KANSL2: variants seen among roughly 807,000 people sequenced by gnomAD.
KANSL2 encodes NSL complex protein NSL2.
Under a neutral mutation model 55.6 loss-of-function variants are expected in KANSL2, and 34 were observed. That is an observed-to-expected ratio of 0.61 (90% confidence interval 0.46 to 0.81). KANSL2 has a LOEUF of 0.81. Ranked by LOEUF, KANSL2 falls within the 40% of genes least tolerant of loss-of-function variation. The probability of loss-of-function intolerance (pLI) is 0.00; values close to 1 mark genes in which losing one functional copy is unlikely to be tolerated. For synonymous variants in KANSL2, 209 were observed against 214.3 expected (o/e 0.98, Z 0.22); for missense variants, 502 against 609.9 (o/e 0.82, Z 1.86).
chr12:48,659,398 A>T (rs1452793568), intron 8 of KANSL2, among the ~76,000 whole-genome samples: 1 of 152,132 alleles, frequency 6.6e-6, no homozygotes, highest in African/African-American at 2.4e-5. Flanking sequence ...CCAAGGTAAG[A>T]GGATCACTTG....
intron 5 of KANSL2, among the ~76,000 whole-genome samples, chr12:48,670,046 C>A (rs1455599098): frequency 6.6e-6 from 1 of 151,748 alleles, no homozygotes; most frequent in East Asian, 2.0e-4. Flanking sequence ...ACTAAAAATA[C>A]AAAAATTAGC....
intron 4 of KANSL2, among the ~76,000 whole-genome samples, chr12:48,676,287 G>A (rs1188536808): frequency 6.6e-6 from 1 of 152,054 alleles, no homozygotes; most frequent in African/African-American, 2.4e-5. Flanking sequence ...TAAATCTTTC[G>A]TAGAGACGGT....
intron 7 of KANSL2, among the ~76,000 whole-genome samples, chr12:48,663,367 A>T (rs554037320): frequency 3.3e-5 from 5 of 152,314 alleles, no homozygotes; most frequent in East Asian, 1.9e-4. Context: ...TCACTGACTC[A>T]TTTTTGAAAA....
chr12:48,658,826 TGAGA>T (rs917790568), intron 8 of KANSL2, among the ~76,000 whole-genome samples: 14 of 152,280 alleles, frequency 9.2e-5, no homozygotes, highest in African/African-American at 3.4e-4. Context: ...CAATAGAGAA[TGAGA>T]GAGAAGGAAC....
chr12:48,655,779 G>C (rs1048622427), intron 8 of KANSL2, among the ~76,000 whole-genome samples: 2 of 151,900 alleles, frequency 1.3e-5, no homozygotes, highest in Admixed American at 1.3e-4. Flanking sequence ...ACTTAAAAAC[G>C]GCCAGGTGCA....
In KANSL2 at chr12:48,656,561, C is replaced by T. The variant is rs1391960525; in HGVS notation, c.1228-1501G>A. Reference sequence around the variant, plus strand: ...TGCTGGGATTACAGGCATGAGCCACCACGCCCGGCCAACTCCCTGGTTCTT... The same window carrying T: ...TGCTGGGATTACAGGCATGAGCCACTACGCCCGGCCAACTCCCTGGTTCTT... On this transcript the variant is annotated intron_variant, in intron 8 of 9. Transcript: ENST00000420613. 4 of 359,338 alleles carry T rather than the reference C, an allele frequency of 1.1e-5. No individual in the cohort carries two copies. In the East Asian group the frequency reaches 3.1e-4, roughly 28 times the overall value. The allele number at this position is 359,338 out of a possible 1,614,324, so 22.3% of individuals were successfully genotyped here. A position where few individuals can be genotyped will look rare whatever the true frequency, so the allele number is the denominator to read the frequency against.
intron 4 of KANSL2, among the ~76,000 whole-genome samples, chr12:48,675,982 C>G (rs1289659688): frequency 6.6e-6 from 1 of 151,828 alleles, no homozygotes; most frequent in African/African-American, 2.4e-5. Flanking sequence ...AACCTTCAGC[C>G]AAACAAGTTA....
At chr12:48,667,407 C>A (rs921109450) in intron 7 of KANSL2, 7 of 420,406 alleles carry the variant, frequency 1.7e-5, no homozygotes, top group Non-Finnish European at 4.6e-6. Context: ...TTTTGGGACC[C>A]AAGTATTAAG....
intron 4 of KANSL2, among the ~76,000 whole-genome samples, chr12:48,672,703 C>T (rs749351254): frequency 5.3e-5 from 8 of 151,732 alleles, no homozygotes; most frequent in South Asian, 4.2e-4. Flanking sequence ...TGGAATTAAA[C>T]GCATAAGCTA....
intron 8 of KANSL2, among the ~76,000 whole-genome samples, chr12:48,657,433 A>G (rs1225734381): frequency 1.3e-5 from 2 of 152,152 alleles, no homozygotes; most frequent in Non-Finnish European, 2.9e-5. Context: ...TCAAAAAAAA[A>G]TAATAAAATA....
rs1939632746 is a variant in KANSL2, at chr12:48,667,875, T to A, written c.877-86A>T. 7.3e-6 allele frequency: 7 copies of A among 953,458 alleles called. No homozygotes were observed. In the South Asian group the frequency reaches 8.6e-5, roughly 12 times the overall value. 59.1% of individuals were successfully genotyped at this position (953,458 alleles called of 1,614,324 possible). A position where few individuals can be genotyped will look rare whatever the true frequency, so the allele number is the denominator to read the frequency against. ...AAAATAGTTATATAAGAAAAGCACA[T>A]CCTAAAGGCTAGAAATTCAACATTT... On this transcript the variant is annotated intron_variant, in intron 6 of 9. Transcript: ENST00000420613.
intron 7 of KANSL2, among the ~76,000 whole-genome samples, chr12:48,665,482 G>A (rs1939579416): frequency 1.3e-5 from 2 of 152,178 alleles, no homozygotes. Context: ...AGAATCGCTT[G>A]TACCCAGGGG....
intron 7 of KANSL2, among the ~76,000 whole-genome samples, chr12:48,664,631 G>T (rs1939557024): frequency 7.1e-6 from 1 of 141,484 alleles, no homozygotes; most frequent in Non-Finnish European, 1.5e-5. Context: ...GCCCAGGCTG[G>T]AGTGCAGTGG....
chr12:48,663,939 A>T lies in KANSL2; in HGVS notation c.974-3320T>A, dbSNP rs571940121. 2.8e-3 allele frequency among the ~76,000 whole-genome samples: 348 copies of T among 122,332 alleles called. 2 individuals carry two copies. Among genetic ancestry groups the T allele is most frequent in the African/African-American group, 0.011 (327 of 31,024 alleles). 80.3% of individuals were successfully genotyped at this position (122,332 alleles called of 152,430 possible). A position where few individuals can be genotyped will look rare whatever the true frequency, so the allele number is the denominator to read the frequency against. On this transcript the variant is annotated intron_variant, in intron 7 of 9. Coordinates refer to ENST00000420613, the MANE Select transcript of KANSL2 (RefSeq NM_017822.4). ...TTTTTTTTTTTTTTTTTTTTTTGAG[A>T]CAGAGTCTCACTCTGTCGCCCAGGC...
rs1252272749 is a variant in KANSL2, at chr12:48,681,516, A to G, written c.117T>C (p.Arg39=). The change falls in exon 2 of 10, where the codon CGT becomes CGC. Residue 39 remains arginine, a synonymous_variant. Coordinates refer to ENST00000420613, the MANE Select transcript of KANSL2 (RefSeq NM_017822.4). ...AFTHRPCSHP[R]LEGQEFCIKH... ...TAATGCAAAACTCCTGCCCCTCCAG[A>G]CGAGGGTGAGAGCATGGACGATGAG... 1 of 1,613,938 alleles carries G rather than the reference A, an allele frequency of 6.2e-7. No individual in the cohort carries two copies. Among genetic ancestry groups the G allele is most frequent in the East Asian group, 2.2e-5 (1 of 44,888 alleles).
intron 5 of KANSL2, among the ~76,000 whole-genome samples, chr12:48,670,548 T>C (rs1479890350): frequency 2.6e-5 from 4 of 152,204 alleles, no homozygotes; most frequent in Admixed American, 2.0e-4. Flanking sequence ...TAAAAGGATT[T>C]TTTTTTAATT....
chr12:48,681,832 A>G (rs763275425), intron 1 of KANSL2, 191 bp from the exon 2 acceptor site: 1 of 725,646 alleles, frequency 1.4e-6, no homozygotes, highest in Non-Finnish European at 2.5e-6. Context: ...GTGTCCCTCC[A>G]TGCCCGGCCC....
At chr12:48,678,061 T>C (rs1939857593) in intron 4 of KANSL2, among the ~76,000 whole-genome samples, 1 of 152,146 alleles carries the variant, frequency 6.6e-6, no homozygotes, top group Admixed American at 6.6e-5. Flanking sequence ...GGAGAAAATG[T>C]AACCCTAAAT....
Position 48,654,173 on chromosome 12 carries a change from G to A in KANSL2, c.1350C>T (p.Gly450=). The A allele has an allele frequency of 2.5e-6, 4 of 1,597,402 alleles. No homozygotes were observed. Among genetic ancestry groups the A allele is most frequent in the Non-Finnish European group, 2.6e-6 (3 of 1,174,944 alleles). Reference sequence around the variant, plus strand: ...ACCCATCTCCAGCCATCTGCATCTGGCCCTGTTAAAAGAAATAAAGGCACT... The same window carrying A: ...ACCCATCTCCAGCCATCTGCATCTGACCCTGTTAAAAGAAATAAAGGCACT... ...EIAEDPVDIL[G]QMQMAGDGCR... is the part of the protein sequence containing the mutation. Residue 450 remains glycine (G), a splice_region_variant and synonymous_variant, in exon 10 of 10, where the codon GGC becomes GGT. Coordinates refer to ENST00000420613, the MANE Select transcript of KANSL2 (RefSeq NM_017822.4).
Sources: gnomAD v4.1 joint callset for allele counts (sites outside exome capture counted in the v4.1 genomes callset) on GRCh38, gnomAD v4.1.1 for gene constraint, MANE v1.5 for transcripts, NCBI Gene and HGNC (gene_info 2026-07-23, HGNC 2026-07-21) for gene names.